The following ZC3HC1 variants were observed in gnomAD, a reference collection of about 807,000 sequenced individuals.
ZC3HC1 encodes the protein zinc finger C3HC-type containing 1, also known as zinc finger C3HC-type protein 1.
A neutral mutation model predicts 61.9 loss-of-function variants in ZC3HC1; 38 were observed. The observed-to-expected ratio is 0.61, with a 90% CI of 0.47 to 0.81. The LOEUF (loss-of-function observed/expected upper bound fraction) is 0.81. Among genes scored for constraint, ZC3HC1 ranks in the 30% least tolerant of loss-of-function variants. The pLI is 0.00. For missense variants in ZC3HC1, 554 were observed against 622.7 expected, an observed-to-expected ratio of 0.89 and a Z score of 1.17; for synonymous variants, 213 against 229.9, an observed-to-expected ratio of 0.93 and a Z score of 0.67.
intron 4 of ZC3HC1, among the ~76,000 whole-genome samples, chr7:130,034,968 C>T (rs1420368554): frequency 2.0e-5 from 3 of 152,162 alleles, no homozygotes; most frequent in Admixed American, 2.0e-4. Flanking sequence ...CCACTGTCTA[C>T]ACTTTAGTCT....
intron 4 of ZC3HC1, among the ~76,000 whole-genome samples, chr7:130,039,013 A>G (rs755436401): frequency 9.9e-5 from 15 of 152,202 alleles, no homozygotes; most frequent in Non-Finnish European, 1.9e-4. Flanking sequence ...ACAAGTGAAT[A>G]TAAGTTTTTC....
At chr7:130,020,577 T>A (rs1793596480) in intron 9 of ZC3HC1, among the ~76,000 whole-genome samples, 1 of 152,066 alleles carries the variant, frequency 6.6e-6, no homozygotes, top group South Asian at 2.1e-4. Flanking sequence ...ATATACTTTT[T>A]TTTTTCGAAC....
chr7:130,046,218 G>T (rs1794859912), intron 2 of ZC3HC1, among the ~76,000 whole-genome samples: 1 of 152,130 alleles, frequency 6.6e-6, no homozygotes, highest in Admixed American at 6.6e-5. Flanking sequence ...CCTAGGCAAT[G>T]GATTGATCTG....
In ZC3HC1 at chr7:130,042,556, T is replaced by C. The variant is rs572006662; in HGVS notation, c.259-1455A>G. Among the ~76,000 whole-genome samples the C allele has an allele frequency of 7.9e-4, 120 of 152,348 alleles. 3 individuals carry two copies. In the South Asian group the frequency reaches 0.023, roughly 29 times the overall value. On this transcript the variant is annotated intron_variant, in intron 2 of 9. Coordinates refer to ENST00000358303, the MANE Select transcript of ZC3HC1 (RefSeq NM_016478.5). ...ATAAAATTATCCCTCCAAAATTTGA[T>C]TGCTAGTATCAATGGGGATGTGTGA...
chr7:130,024,801 T>C (rs903311175), intron 6 of ZC3HC1, among the ~76,000 whole-genome samples: 12 of 149,984 alleles, frequency 8.0e-5, no homozygotes, highest in Non-Finnish European at 1.3e-4. Flanking sequence ...CCCAGCACTT[T>C]GGGAGGCCAA....
intron 4 of ZC3HC1, 77 bp from the exon 5 acceptor site, chr7:130,029,106 C>T (rs2116695888): frequency 6.8e-7 from 1 of 1,473,440 alleles, no homozygotes; most frequent in East Asian, 2.7e-5. Context: ...CATGGTGGCT[C>T]ATACCTGTAA....
chr7:130,040,538 G>GC (rs1381332256), intron 3 of ZC3HC1, among the ~76,000 whole-genome samples: 1 of 150,714 alleles, frequency 6.6e-6, no homozygotes, highest in Non-Finnish European at 1.5e-5. Context: ...AGGCACTATG[G>GC]CTTACCCCTG....
chr7:130,029,577 G>A (rs915155769), intron 4 of ZC3HC1, among the ~76,000 whole-genome samples: 6 of 152,090 alleles, frequency 3.9e-5, no homozygotes, highest in African/African-American at 1.4e-4. Context: ...AATGGCATAT[G>A]TGGGACTGAA....
intron 9 of ZC3HC1, 115 bp from the exon 10 acceptor site, chr7:130,018,847 T>C (rs1793489953): frequency 5.8e-6 from 5 of 861,544 alleles, no homozygotes; most frequent in South Asian, 1.9e-5. Flanking sequence ...ATTCATTTTG[T>C]AGTATGCTAT....
At position 130,026,325 on chromosome 7, in the gene ZC3HC1, C is replaced by T; in HGVS notation, c.622-13G>A. The T allele has an allele frequency of 6.3e-7, 1 of 1,589,790 alleles. No individual in the cohort carries two copies. Among genetic ancestry groups the T allele is most frequent in the Non-Finnish European group, 8.6e-7 (1 of 1,164,428 alleles). Reference sequence around the variant, plus strand: ...CTTCTGTCAAGCACTACAAGGGAGCCAAGTAAAAAACTTCGTTTCAACCAC... The same window carrying T: ...CTTCTGTCAAGCACTACAAGGGAGCTAAGTAAAAAACTTCGTTTCAACCAC... On this transcript the variant is annotated splice_polypyrimidine_tract_variant and intron_variant, in intron 5 of 9. Coordinates refer to ENST00000358303, the MANE Select transcript of ZC3HC1 (RefSeq NM_016478.5).
Position 130,024,316 on chromosome 7 carries a change from G to C in ZC3HC1, c.967C>G (p.Arg323Gly), listed in dbSNP as rs1407261965. Residue 323 changes from arginine (R) to glycine (G), a missense_variant, in exon 7 of 10, where the codon CGG becomes GGG. Transcript: ENST00000358303. ...TCCTGGCTCCGGGTCATCATCCTCC[G>C]AGGAGATTCAGGCACCAGAGGTAAG... ...ERLPLVPESP[R>G]RMMTRSQDAT... 6.2e-7 allele frequency: 1 copy of C among 1,613,924 alleles called. No individual in the cohort carries two copies. Among genetic ancestry groups the C allele is most frequent in the East Asian group, 2.2e-5 (1 of 44,884 alleles).
At chr7:130,036,060 T>C (rs1794418214) in intron 4 of ZC3HC1, among the ~76,000 whole-genome samples, 1 of 152,122 alleles carries the variant, frequency 6.6e-6, no homozygotes, top group South Asian at 2.1e-4. Flanking sequence ...GTGGGAGAGA[T>C]ATTTTAATAG....
At position 130,023,487 on chromosome 7, in the gene ZC3HC1, C is replaced by G; in HGVS notation, c.1233+24G>C. 1 of 1,612,282 alleles carries G rather than the reference C, an allele frequency of 6.2e-7. No homozygotes were observed. The highest frequency in any genetic ancestry group is 8.5e-7 in the Non-Finnish European group (1 of 1,179,114). On this transcript the variant is annotated intron_variant, in intron 8 of 9. Coordinates refer to ENST00000358303, the MANE Select transcript of ZC3HC1 (RefSeq NM_016478.5). The surrounding 1 kb of genome is among the most constrained non-coding windows in gnomAD (Gnocchi z 4.2). ...CCAATATGCTGTTTATGCTCAGCCA[C>G]TGCTACATGCGAGGTGGACTCACCG...
intron 4 of ZC3HC1, among the ~76,000 whole-genome samples, chr7:130,029,341 C>T (rs1243601541): frequency 1.3e-5 from 2 of 151,984 alleles, no homozygotes; most frequent in Non-Finnish European, 1.5e-5. Context: ...TGCCACTGTG[C>T]TCCAGCCTGG....
chr7:130,037,992 A>C (rs1250805362), intron 4 of ZC3HC1, among the ~76,000 whole-genome samples: 1 of 152,186 alleles, frequency 6.6e-6, no homozygotes. Flanking sequence ...AGGTCTTACT[A>C]TATTTATTGC....
chr7:130,038,384 T>C (rs898740432), intron 4 of ZC3HC1, among the ~76,000 whole-genome samples: 5 of 152,182 alleles, frequency 3.3e-5, no homozygotes, highest in Non-Finnish European at 7.4e-5. Context: ...CTTCAGCAAA[T>C]GAACCCTGTT....
At chr7:130,049,963 ATCT>A (rs1318073676) in intron 1 of ZC3HC1, among the ~76,000 whole-genome samples, 1 of 151,138 alleles carries the variant, frequency 6.6e-6, no homozygotes, top group Non-Finnish European at 1.5e-5. Context: ...CGAATCAAAG[ATCT>A]TCGGGAGATT....
chr7:130,042,595 A>G (rs1584592108), intron 2 of ZC3HC1, among the ~76,000 whole-genome samples: 1 of 152,230 alleles, frequency 6.6e-6, no homozygotes, highest in South Asian at 2.1e-4. Flanking sequence ...TGTGTTTTAC[A>G]CAGCTAAAAG....
intron 4 of ZC3HC1, among the ~76,000 whole-genome samples, chr7:130,030,641 G>C (rs1794140029): frequency 6.6e-6 from 1 of 151,600 alleles, no homozygotes; most frequent in Non-Finnish European, 1.5e-5. Context: ...GCCTCAAATT[G>C]ACATTTAGTT....
Sources: gnomAD v4.1 joint callset for allele counts (sites outside exome capture counted in the v4.1 genomes callset) on GRCh38, gnomAD v4.1.1 for gene constraint, Gnocchi (gnomAD v3.1) non-coding constraint, MANE v1.5 for transcripts, NCBI Gene and HGNC (gene_info 2026-07-23, HGNC 2026-07-21) for gene names.